Variants in ABCA10 observed in about 807,000 individuals in gnomAD.
ABCA10 encodes the protein ATP-binding cassette sub-family A member 10.
A neutral mutation model predicts 187.5 loss-of-function variants in ABCA10; 169 were observed. The observed-to-expected ratio is 0.90, with a 90% CI of 0.80 to 1.02. The LOEUF is 1.02. ABCA10 is among the 50% of genes least tolerant of loss of function. The pLI is 0.00. For synonymous variants in ABCA10, 574 were observed against 601.8 expected, an observed-to-expected ratio of 0.95 and a Z score of 0.68; for missense variants, 1,727 against 1,812.4, an observed-to-expected ratio of 0.95 and a Z score of 0.86.
chr17:69,203,871 T>C (rs1568067342), intron 9 of ABCA10, among the ~76,000 whole-genome samples: 1 of 152,196 alleles, frequency 6.6e-6, no homozygotes, highest in Non-Finnish European at 1.5e-5. Flanking sequence ...TACTACAAAA[T>C]ACAGATAGAG....
intron 18 of ABCA10, 86 bp from the exon 19 acceptor site, chr17:69,187,965 G>T: frequency 8.2e-7 from 1 of 1,223,242 alleles, no homozygotes; most frequent in Non-Finnish European, 1.1e-6. Context: ...TAGACTATTT[G>T]AAACAGCACT....
chr17:69,162,465 A>C (rs1208634260), intron 27 of ABCA10, among the ~76,000 whole-genome samples: 1 of 152,108 alleles, frequency 6.6e-6, no homozygotes. Flanking sequence ...AAGTTAGACA[A>C]ACATCCAGGA....
chr17:69,172,482 G>A (rs528153678), intron 25 of ABCA10, among the ~76,000 whole-genome samples: 1 of 152,236 alleles, frequency 6.6e-6, no homozygotes, highest in South Asian at 2.1e-4. Context: ...ATAAGCCAAT[G>A]GGAGAGGCCT....
At chr17:69,196,240 C>T (rs2074500541) in intron 11 of ABCA10, 1 of 162,338 alleles carries the variant, frequency 6.2e-6, no homozygotes, top group Non-Finnish European at 1.3e-5. Flanking sequence ...CGGAGATGCT[C>T]CTCACTTCCC....
chr17:69,149,718 G>C (rs1028964967), intron 37 of ABCA10, among the ~76,000 whole-genome samples: 2 of 152,024 alleles, frequency 1.3e-5, no homozygotes, highest in Non-Finnish European at 2.9e-5. Context: ...AAACAGCCCT[G>C]GTACCCCAAT....
Position 69,182,233 on chromosome 17 carries a change from T to C in ABCA10, c.2689A>G (p.Met897Val). 1 of 1,599,678 alleles carries C rather than the reference T, an allele frequency of 6.3e-7. No individual in the cohort carries two copies. The highest frequency in any genetic ancestry group is 1.1e-5 in the South Asian group (1 of 88,648). Residue 897 changes from methionine to valine, a missense_variant, in exon 22 of 39, where the codon ATG (methionine) becomes GTG (valine). By Grantham distance (21) the Met-to-Val change is conservative. Transcript: ENST00000690296. The stretch of plus-strand genomic sequence containing the variant: ...ATAAGGGCATTGCTAACAATTCCCA[T>C]AAGAACAGGAAAACAATTCAATTTC... ...TKKLNCFPVL[M>V]GIVSNALMGI...
Position 69,182,241 on chromosome 17 carries a change from G to A in ABCA10, c.2681C>T (p.Pro894Leu), listed in dbSNP as rs760462302. Residue 894 changes from proline to leucine, a missense_variant, in exon 22 of 39, where the codon CCT becomes CTT. Coordinates refer to ENST00000690296, the MANE Select transcript of ABCA10 (RefSeq NM_001377321.1). ...ACNTKKLNCF[P>L]VLMGIVSNAL... ...ATTGCTAACAATTCCCATAAGAACA[G>A]GAAAACAATTCAATTTCTTGGTATT... 2.4e-5 allele frequency: 39 copies of A among 1,592,376 alleles called. No individual in the cohort carries two copies. The highest frequency in any genetic ancestry group is 3.2e-5 in the Non-Finnish European group (37 of 1,168,756).
intron 1 of ABCA10, among the ~76,000 whole-genome samples, chr17:69,235,548 G>A (rs1723703344): frequency 6.6e-6 from 1 of 151,958 alleles, no homozygotes; most frequent in Admixed American, 6.6e-5. Context: ...TTCAGTTCTG[G>A]CTTCTTAGAC....
At chr17:69,178,984 T>C (rs1010640559) in intron 22 of ABCA10, 1 of 152,132 alleles carries the variant, frequency 6.6e-6, no homozygotes, top group African/African-American at 2.4e-5. Context: ...CTTCCGAACA[T>C]TAATTTTGTC....
chr17:69,191,402 T>C, intron 16 of ABCA10, 87 bp from the exon 17 acceptor site: 1 of 1,307,798 alleles, frequency 7.6e-7, no homozygotes, highest in Non-Finnish European at 1.0e-6. Flanking sequence ...AAACAGCTTA[T>C]ATGTATTACA....
rs1457334247 is a variant in ABCA10, at chr17:69,219,036, TTTA to T, written c.530+506_530+508del. 5.9e-5 allele frequency among the ~76,000 whole-genome samples: 9 copies of T among 152,268 alleles called. No individual in the cohort carries two copies. In the East Asian group the frequency reaches 1.5e-3, roughly 26 times the overall value. On this transcript the variant is annotated intron_variant, in intron 6 of 38. Coordinates refer to ENST00000690296, the MANE Select transcript of ABCA10 (RefSeq NM_001377321.1). ...TCCATGTGACTTACTTTAATGAGAT[TTTA>T]TTATATATGATGTGAGCAGGAGCTT...
At position 69,162,471 on chromosome 17, in the gene ABCA10, CAGGAA is replaced by C. The variant is rs779065884; in HGVS notation, c.3363+1598_3363+1602del. Among the ~76,000 whole-genome samples, 11 of 152,194 alleles carry C rather than the reference CAGGAA, an allele frequency of 7.2e-5. No homozygotes were observed. The East Asian group carries it at 1.5e-3, about 21-fold the overall frequency. On this transcript the variant is annotated intron_variant, in intron 27 of 38. Coordinates refer to ENST00000690296, the MANE Select transcript of ABCA10 (RefSeq NM_001377321.1). ...GTTTTGAGAAAGTTAGACAAACATC[CAGGAA>C]ATCTTTACTAGAAGGTCCTTCTCCA...
intron 37 of ABCA10, 33 bp downstream of exon 37, chr17:69,149,951 C>A (rs1175934302): frequency 3.4e-6 from 5 of 1,457,488 alleles, no homozygotes; most frequent in South Asian, 1.2e-5. Context: ...GCAACCAATA[C>A]ATAAAGTCTT....
chr17:69,206,929 C>T (rs1193690093), intron 9 of ABCA10, among the ~76,000 whole-genome samples: 1 of 151,932 alleles, frequency 6.6e-6, no homozygotes, highest in Non-Finnish European at 1.5e-5. Context: ...GGGATTACAT[C>T]AAACTAAAAA....
intron 11 of ABCA10, among the ~76,000 whole-genome samples, chr17:69,196,695 CA>C (rs954643638): frequency 2.6e-5 from 4 of 152,192 alleles, no homozygotes; most frequent in Non-Finnish European, 5.9e-5. Flanking sequence ...GAGCCAAGAT[CA>C]CGCCACTGCA....
intron 9 of ABCA10, among the ~76,000 whole-genome samples, chr17:69,210,672 C>T (rs571461111): frequency 3.9e-4 from 59 of 151,334 alleles, no homozygotes; most frequent in Middle Eastern, 3.4e-3. Flanking sequence ...TATGATGTTT[C>T]GTTTTCCATT....
intron 11 of ABCA10, among the ~76,000 whole-genome samples, chr17:69,196,008 C>T (rs2144809350): frequency 6.6e-6 from 1 of 152,370 alleles, no homozygotes; most frequent in East Asian, 1.9e-4. Flanking sequence ...TTTCCCCACA[C>T]TTCCCCCTCT....
chr17:69,196,579 G>C (rs1378259725), intron 11 of ABCA10: 1 of 184,460 alleles, frequency 5.4e-6, no homozygotes, highest in East Asian at 1.7e-4. Flanking sequence ...TGGGCAGCCA[G>C]GCAGAGACGC....
At position 69,182,738 on chromosome 17, in the gene ABCA10, T is replaced by C; in HGVS notation, c.2568A>G (p.Arg856=). 1 of 1,613,084 alleles carries C rather than the reference T, an allele frequency of 6.2e-7. No individual in the cohort carries two copies. The highest frequency in any genetic ancestry group is 8.5e-7 in the Non-Finnish European group (1 of 1,179,642). The change falls in exon 21 of 39, where the codon AGA becomes AGG. Residue 856 remains arginine (R), a synonymous_variant. Coordinates refer to ENST00000690296, the MANE Select transcript of ABCA10 (RefSeq NM_001377321.1). ...AGGGATCATCTGAGCCATTTCTGTT[T>C]CTAAAGTCATCTATTTCCAAAACTA... is the stretch of plus-strand genomic sequence containing the variant. ...QDIVLEIDDF[R]NRNGSDDPSY... is the part of the protein sequence containing the mutation.
Sources: allele counts gnomAD v4.1 joint callset (sites outside exome capture counted in the v4.1 genomes callset), GRCh38; gene constraint gnomAD v4.1.1; transcripts MANE v1.5; gene names NCBI Gene and HGNC (gene_info 2026-07-23, HGNC 2026-07-21).